The following TNK2 variants were observed in gnomAD, a reference collection of about 807,000 sequenced individuals.
TNK2 encodes the protein tyrosine kinase non receptor 2.
TNK2 carries 83 observed loss-of-function variants against 101.8 expected under a neutral mutation model. That is an observed-to-expected ratio of 0.82 (90% CI 0.68 to 0.98). TNK2 has a LOEUF of 0.98. Ranked by LOEUF, TNK2 falls within the 50% of genes least tolerant of loss-of-function variation. TNK2 has a pLI of 0.00. For missense variants in TNK2, 1,665 were observed against 1,483.2 expected (o/e 1.12, Z -2.01); for synonymous variants, 804 against 633.0 (o/e 1.27, Z -4.06).
chr3:195,869,725 G>C (rs986720104), intron 11 of TNK2, 184 bp from the exon 12 acceptor site: 1 of 656,578 alleles, frequency 1.5e-6, no homozygotes, highest in African/African-American at 1.8e-5. Flanking sequence ...GAACACGGCG[G>C]TCCAGTATGA....
In TNK2 at chr3:195,866,995, C is replaced by A. The variant is rs764926717; in HGVS notation, c.3055G>T (p.Gly1019Cys). 18 of 1,613,226 alleles carry A rather than the reference C, an allele frequency of 1.1e-5. No individual in the cohort carries two copies. The East Asian group carries it at 2.5e-4, about 22-fold the overall frequency. ...YLKVEQLFGLGLRPRGECHKV... is the reference protein window; with the variant it reads ...YLKVEQLFGLCLRPRGECHKV... Reference sequence around the variant, plus strand: ...TGGCACTCCCCTCTGGGCCGCAGACCCAGCCCGAAGAGCTGCTCCACCTGG... The same window carrying A: ...TGGCACTCCCCTCTGGGCCGCAGACACAGCCCGAAGAGCTGCTCCACCTGG... Residue 1019 changes from glycine to cysteine, a missense_variant, in exon 15 of 16, where the codon GGT (glycine) becomes TGT (cysteine). This residue lies in a region of TNK2 where 1,136 missense variants were observed against 894.9 expected (regional missense o/e 1.27). Transcript: ENST00000672887.
chr3:195,895,260 C>T (rs1240099966), intron 1 of TNK2: 1 of 1,553,908 alleles, frequency 6.4e-7, no homozygotes, highest in South Asian at 1.2e-5. Flanking sequence ...GGTCCCTCCT[C>T]GCCCCCAGCC....
chr3:195,885,377 T>C lies in TNK2; in HGVS notation c.235-344A>G. On this transcript the variant is annotated intron_variant, in intron 3 of 15. Coordinates refer to ENST00000672887, the MANE Select transcript of TNK2 (RefSeq NM_001382273.1). The surrounding 1 kb of genome is among the most constrained non-coding windows in gnomAD (Gnocchi z 4.7). ...CTCCCAGTCCTGCCCCACCCTCCCT[T>C]CCTGCACCCGCCACCCCGCAGACTC... is the stretch of plus-strand genomic sequence containing the variant. The C allele has an allele frequency of 7.4e-7, 1 of 1,351,750 alleles. No homozygotes were observed. The highest frequency in any genetic ancestry group is 9.7e-7 in the Non-Finnish European group (1 of 1,032,630). The allele number at this position is 1,351,750 out of a possible 1,614,324, so 83.7% of individuals were successfully genotyped here.
At chr3:195,903,207 A>AT (rs763292784) in intron 1 of TNK2, among the ~76,000 whole-genome samples, 5 of 151,220 alleles carry the variant, frequency 3.3e-5, no homozygotes, top group Admixed American at 6.6e-5. Flanking sequence ...CACCCAGCTA[A>AT]TTTTTTGTAT....
At chr3:195,871,080 G>A (rs549341088) in intron 10 of TNK2, among the ~76,000 whole-genome samples, 3 of 152,146 alleles carry the variant, frequency 2.0e-5, no homozygotes, top group South Asian at 2.1e-4. Flanking sequence ...TGCTTTCCAC[G>A]CCTCTCAGGG....
rs1759010590 is a variant in TNK2, at chr3:195,892,568, GCC to G, written c.-18-3964_-18-3963del. 4 of 1,493,890 alleles carry G rather than the reference GCC, an allele frequency of 2.7e-6. No individual in the cohort carries two copies. In the South Asian group the frequency reaches 5.1e-5, roughly 19 times the overall value. The allele number at this position is 1,493,890 out of a possible 1,614,324, so 92.5% of individuals were successfully genotyped here. A position where few individuals can be genotyped will look rare whatever the true frequency, so the allele number is the denominator to read the frequency against. ...CCGGAGCTTCGCACTCTGCCCAGGA[GCC>G]CCCCAAATCCCACACCAGGGGTGGG... is the stretch of plus-strand genomic sequence containing the variant. On this transcript the variant is annotated intron_variant, in intron 1 of 15. Transcript: ENST00000672887.
chr3:195,878,170 GGCCAAACAGATCTGTCC>G lies in TNK2; in HGVS notation c.1256+66_1256+82del, dbSNP rs1020618916. ...TGTATGTGGCCAAGGGAATCTTGGAGGCCAAACAGATCTGTCCACAGGTCCCTCCGACCTGTGCCCTT... is the reference window on the plus strand; with the variant it reads ...TGTATGTGGCCAAGGGAATCTTGGAGACAGGTCCCTCCGACCTGTGCCCTT... On this transcript the variant is annotated intron_variant, in intron 9 of 15. Transcript: ENST00000672887. The surrounding 1 kb of genome is among the most constrained non-coding windows in gnomAD (Gnocchi z 4.7). The G allele has an allele frequency of 2.7e-5, 39 of 1,447,500 alleles. No homozygotes were observed. In the African/African-American group the frequency reaches 5.0e-4, roughly 19 times the overall value. 89.7% of individuals were successfully genotyped at this position (1,447,500 alleles called of 1,614,324 possible). A position where few individuals can be genotyped will look rare whatever the true frequency, so the allele number is the denominator to read the frequency against.
chr3:195,887,636 C>T lies in TNK2; in HGVS notation c.164-589G>A, dbSNP rs931865003. On this transcript the variant is annotated intron_variant, in intron 2 of 15. Coordinates refer to ENST00000672887, the MANE Select transcript of TNK2 (RefSeq NM_001382273.1). ...AAAGCCCTAATACGTTTCTAATGTT[C>T]TATGAAGAACATCATGACTTTTAGA... Among the ~76,000 whole-genome samples the T allele has an allele frequency of 6.6e-5, 10 of 152,152 alleles. No homozygotes were observed. In the East Asian group the frequency reaches 1.7e-3, roughly 26 times the overall value.
In TNK2 at chr3:195,884,843, CT is replaced by C. The variant is rs1458319764; in HGVS notation, c.424del (p.Arg142GlyfsTer12). ...LGDGSFGVVR[R>X]GEWDAPSGKT... ...CCCTGAGGGCGCGTCCCACTCGCCCCTGCGCACCACGCCAAAGGAACCATCA... is the reference window on the plus strand; with the variant it reads ...CCCTGAGGGCGCGTCCCACTCGCCCCGCGCACCACGCCAAAGGAACCATCA... On this transcript the variant is annotated frameshift_variant, in exon 4 of 16. Transcript: ENST00000672887. LOFTEE classifies it high-confidence loss of function. 1 of 1,612,948 alleles carries C rather than the reference CT, an allele frequency of 6.2e-7. No individual in the cohort carries two copies. Among genetic ancestry groups the C allele is most frequent in the Non-Finnish European group, 8.5e-7 (1 of 1,179,940 alleles).
rs370342817 is a variant in TNK2, at chr3:195,887,484, G to C, written c.164-437C>G. ...ACTAAGTCAGTGTCTAACTTGACAC[G>C]TTATTACCTATTTAGCTATTTTAAC... On this transcript the variant is annotated intron_variant, in intron 2 of 15. Coordinates refer to ENST00000672887, the MANE Select transcript of TNK2 (RefSeq NM_001382273.1). Among the ~76,000 whole-genome samples the C allele has an allele frequency of 2.8e-5, 4 of 142,160 alleles. No homozygotes were observed. In the South Asian group the frequency reaches 6.4e-4, roughly 23 times the overall value. The allele number at this position is 142,160 out of a possible 152,430, so 93.3% of individuals were successfully genotyped here.
rs200231100 is a variant in TNK2 at position 195,868,061 on chromosome 3, G to A, written c.2237C>T (p.Pro746Leu). The A allele has an allele frequency of 4.3e-4, 697 of 1,603,568 alleles. No individual in the cohort carries two copies. Among genetic ancestry groups the A allele is most frequent in the African/African-American group, 8.4e-4 (63 of 74,888 alleles). Residue 746 changes from proline (P) to leucine (L), a missense_variant, in exon 13 of 16, where the codon CCG (proline) becomes CTG (leucine). Physicochemically the swap from Pro to Leu is moderately conservative, Grantham distance 98 (BLOSUM62 -3). Coordinates refer to ENST00000672887, the MANE Select transcript of TNK2 (RefSeq NM_001382273.1). The stretch of plus-strand genomic sequence containing the variant: ...CACCTGGGGCTTGTCGTCACCCCCC[G>A]GGCTGGGAGAGGGGGCCGGGGAGCC... ...PAGSPAPSPS[P>L]GGDDKPQVPP...
chr3:195,870,935 C>T (rs13091355), intron 10 of TNK2, among the ~76,000 whole-genome samples: 49 of 126,278 alleles, frequency 3.9e-4, no homozygotes, highest in Admixed American at 1.1e-3. Context: ...GTGTGGGGGC[C>T]CGCTGTGTGG....
rs985165641 is a variant in TNK2 at position 195,878,179 on chromosome 3, G to C, written c.1256+74C>G. The C allele has an allele frequency of 4.2e-5, 63 of 1,502,554 alleles. No homozygotes were observed. Among genetic ancestry groups the C allele is most frequent in the Non-Finnish European group, 5.6e-5 (61 of 1,080,236 alleles). The allele number at this position is 1,502,554 out of a possible 1,614,324, so 93.1% of individuals were successfully genotyped here. A position where few individuals can be genotyped will look rare whatever the true frequency, so the allele number is the denominator to read the frequency against. ...CCAAGGGAATCTTGGAGGCCAAACA[G>C]ATCTGTCCACAGGTCCCTCCGACCT... On this transcript the variant is annotated intron_variant, in intron 9 of 15. Transcript: ENST00000672887. This position sits in a 1 kb window ranked among gnomAD's most constrained non-coding sequence, Gnocchi z 4.7.
rs1313983434 is a variant in TNK2, at chr3:195,885,394, C to T, written c.235-361G>A. The T allele has an allele frequency of 6.7e-6, 9 of 1,352,506 alleles. No individual in the cohort carries two copies. The highest frequency in any genetic ancestry group is 1.5e-5 in the African/African-American group (1 of 68,532). The allele number at this position is 1,352,506 out of a possible 1,614,324, so 83.8% of individuals were successfully genotyped here. On this transcript the variant is annotated intron_variant, in intron 3 of 15. Transcript: ENST00000672887. This position sits in a 1 kb window ranked among gnomAD's most constrained non-coding sequence, Gnocchi z 4.7. ...CCCTCCCTTCCTGCACCCGCCACCC[C>T]GCAGACTCCAGCCCTAACCCGCATC...
rs145573083 is a variant in TNK2 at position 195,891,705 on chromosome 3, G to A, written c.-18-3099C>T. On this transcript the variant is annotated intron_variant, in intron 1 of 15. Coordinates refer to ENST00000672887, the MANE Select transcript of TNK2 (RefSeq NM_001382273.1). ...TCAGGATGGAGGCTCCTAGTCTCCC[G>A]CAGGGAGAGCAGTCTCCAGGGCTCC... 5.8e-4 allele frequency among the ~76,000 whole-genome samples: 88 copies of A among 152,078 alleles called. No homozygotes were observed. The East Asian group carries it at 0.012, about 20-fold the overall frequency.
At chr3:195,876,004 G>C (rs544676248) in intron 9 of TNK2, among the ~76,000 whole-genome samples, 1 of 152,160 alleles carries the variant, frequency 6.6e-6, no homozygotes, top group Non-Finnish European at 1.5e-5. Flanking sequence ...TTCTCCCTAG[G>C]GGTCCCAGGC....
In TNK2 at chr3:195,870,922, G is replaced by A. The variant is rs9860453; in HGVS notation, c.1452-717C>T. On this transcript the variant is annotated intron_variant, in intron 10 of 15. Coordinates refer to ENST00000672887, the MANE Select transcript of TNK2 (RefSeq NM_001382273.1). Reference sequence around the variant, plus strand: ...TGTGTGGGCCCGCTGTGTGGGTTCTGGTGTGTGGGGGCCCGCTGTGTGGGT... The same window carrying A: ...TGTGTGGGCCCGCTGTGTGGGTTCTAGTGTGTGGGGGCCCGCTGTGTGGGT... Among the ~76,000 whole-genome samples the A allele has an allele frequency of 4.0e-5, 6 of 151,476 alleles. No individual in the cohort carries two copies. The East Asian group carries it at 5.8e-4, about 15-fold the overall frequency.
chr3:195,887,733 A>G (rs1041982094), intron 2 of TNK2, among the ~76,000 whole-genome samples: 1 of 151,778 alleles, frequency 6.6e-6, no homozygotes, highest in Non-Finnish European at 1.5e-5. Flanking sequence ...ACCTGTGTGT[A>G]TGTGCGTGTG....
chr3:195,906,019 G>C (rs1025650923), intron 1 of TNK2, among the ~76,000 whole-genome samples: 4 of 152,174 alleles, frequency 2.6e-5, no homozygotes, highest in African/African-American at 9.7e-5. Flanking sequence ...CAAACGATCT[G>C]AACAGACACA....
Sources: allele counts gnomAD v4.1 joint callset (sites outside exome capture counted in the v4.1 genomes callset), GRCh38; gene constraint gnomAD v4.1.1; regional missense constraint gnomAD v4.1.1; non-coding constraint Gnocchi (gnomAD v3.1); transcripts MANE v1.5; gene names NCBI Gene and HGNC (gene_info 2026-07-23, HGNC 2026-07-21).